CDR2L: variants seen among roughly 807,000 people sequenced by gnomAD.
CDR2L encodes the protein cerebellar degeneration-related protein 2-like.
A neutral mutation model predicts 36.1 loss-of-function variants in CDR2L; 19 were observed. The ratio of observed to expected loss-of-function variants is 0.53; its 90% confidence interval spans 0.37 to 0.77. The LOEUF (loss-of-function observed/expected upper bound fraction) is 0.77, where lower values mean the gene tolerates loss of function less well. Among genes scored for constraint, CDR2L ranks in the 30% least tolerant of loss-of-function variants. The probability of loss-of-function intolerance (pLI) is 0.00; values close to 1 mark genes in which losing one functional copy is unlikely to be tolerated. For missense variants in CDR2L, 575 were observed against 627.2 expected (o/e 0.92, Z 0.89); for synonymous variants, 285 against 280.4 (o/e 1.02, Z -0.16).
At chr17:74,988,719 C>G (rs2039778601) in intron 1 of CDR2L, among the ~76,000 whole-genome samples, 1 of 152,192 alleles carries the variant, frequency 6.6e-6, no homozygotes, top group South Asian at 2.1e-4. Flanking sequence ...TTAGCCCTCC[C>G]CTGCCCGGTC....
rs1243007193 is a variant in CDR2L at position 75,005,545 on chromosome 17, G to A, written c.*1471G>A. ...GGCGGCACTGTGATGGGAGCTGGTGGCGACTGAGTCCTTCTGTACGTGCAA... is the reference window on the plus strand; with the variant it reads ...GGCGGCACTGTGATGGGAGCTGGTGACGACTGAGTCCTTCTGTACGTGCAA... On this transcript the variant is annotated 3_prime_UTR_variant, in exon 5 of 5. Transcript: ENST00000337231. The surrounding 1 kb of genome is among the most constrained non-coding windows in gnomAD (Gnocchi z 4.2). The A allele has an allele frequency of 6.5e-6, 1 of 152,840 alleles. No homozygotes were observed. Among genetic ancestry groups the A allele is most frequent in the Non-Finnish European group, 1.5e-5 (1 of 68,208 alleles). The allele number at this position is 152,840 out of a possible 1,614,324, so 9.5% of individuals were successfully genotyped here.
chr17:74,991,094 C>T (rs1029969976), intron 1 of CDR2L, among the ~76,000 whole-genome samples: 3 of 152,184 alleles, frequency 2.0e-5, no homozygotes, highest in Non-Finnish European at 2.9e-5. Flanking sequence ...CCCACTGCCA[C>T]GAGCATTTAT....
intron 2 of CDR2L, among the ~76,000 whole-genome samples, chr17:75,000,094 G>C (rs370966076): frequency 6.6e-6 from 1 of 151,988 alleles, no homozygotes; most frequent in Non-Finnish European, 1.5e-5. Context: ...CAGGCAACAT[G>C]GCGAAACCTT....
At chr17:74,991,665 C>A (rs1272291302) in intron 1 of CDR2L, among the ~76,000 whole-genome samples, 3 of 150,070 alleles carry the variant, frequency 2.0e-5, no homozygotes, top group African/African-American at 4.9e-5. Context: ...TGCAGTGAGC[C>A]AAGATCGCGC....
intron 1 of CDR2L, 121 bp from the exon 2 acceptor site, chr17:74,999,383 T>C: frequency 1.5e-6 from 1 of 662,208 alleles, no homozygotes; most frequent in Non-Finnish European, 2.7e-6. Flanking sequence ...GGCTTACCTC[T>C]CCTCCCAGGC....
At chr17:74,991,707 ACT>A (rs2039798323) in intron 1 of CDR2L, among the ~76,000 whole-genome samples, 2 of 142,336 alleles carry the variant, frequency 1.4e-5, no homozygotes, top group South Asian at 2.4e-4. Context: ...ACAGAGTGAG[ACT>A]CTGTCTCAAA....
In CDR2L at chr17:75,004,422, G is replaced by T; in HGVS notation, c.*348G>T. 15 of 177,972 alleles carry T rather than the reference G, an allele frequency of 8.4e-5. No homozygotes were observed. The highest frequency in any genetic ancestry group is 2.0e-4 in the South Asian group (1 of 5,026). The allele number at this position is 177,972 out of a possible 1,614,324, so 11.0% of individuals were successfully genotyped here. On this transcript the variant is annotated 3_prime_UTR_variant, in exon 5 of 5. Transcript: ENST00000337231. The stretch of plus-strand genomic sequence containing the variant: ...GGCTTCTGAAAGCCATTCTGGATCA[G>T]TTGGCTTTTTTTTTTTTTTTGGTTA...
Position 75,003,289 on chromosome 17 carries a change from C to T in CDR2L, c.613C>T (p.Gln205Ter). The change falls in exon 5 of 5, where the codon CAG becomes TAG. Residue 205 changes from glutamine to a stop codon, truncating the protein, a stop_gained. Transcript: ENST00000337231. LOFTEE classifies it high-confidence loss of function. ...LQTLVGALRS[Q>*]VSQERQRKER... Reference sequence around the variant, plus strand: ...GACCCTGGTGGGGGCGCTGCGCTCCCAGGTGAGCCAGGAGCGGCAGCGCAA... The same window carrying T: ...GACCCTGGTGGGGGCGCTGCGCTCCTAGGTGAGCCAGGAGCGGCAGCGCAA... The T allele has an allele frequency of 6.4e-7, 1 of 1,556,286 alleles. No individual in the cohort carries two copies. Among genetic ancestry groups the T allele is most frequent in the Non-Finnish European group, 8.7e-7 (1 of 1,150,914 alleles).
chr17:74,992,800 T>C (rs1222097291), intron 1 of CDR2L, among the ~76,000 whole-genome samples: 1 of 152,240 alleles, frequency 6.6e-6, no homozygotes, highest in African/African-American at 2.4e-5. Flanking sequence ...GGGCAACCTT[T>C]GATGTCTCTG....
At chr17:74,997,473 C>A (rs1017364386) in intron 1 of CDR2L, among the ~76,000 whole-genome samples, 4 of 152,294 alleles carry the variant, frequency 2.6e-5, no homozygotes, top group Non-Finnish European at 5.9e-5. Context: ...CCCCACGGCA[C>A]CTTGCCCCTA....
rs1173099120 is a variant in CDR2L at position 75,003,732 on chromosome 17, C to T, written c.1056C>T (p.Ile352=). ...ANSVRKRGMS[I]LREVDEQYHA... ...GCGTGCGCAAGCGGGGCATGTCCATCCTGCGGGAGGTGGACGAGCAGTACC... is the reference window on the plus strand; with the variant it reads ...GCGTGCGCAAGCGGGGCATGTCCATTCTGCGGGAGGTGGACGAGCAGTACC... The change falls in exon 5 of 5, where the codon ATC becomes ATT. Residue 352 remains isoleucine (I), a synonymous_variant. Transcript: ENST00000337231. The T allele has an allele frequency of 2.7e-6, 4 of 1,472,544 alleles. No homozygotes were observed. Among genetic ancestry groups the T allele is most frequent in the East Asian group, 2.5e-5 (1 of 40,354 alleles). 91.2% of individuals were successfully genotyped at this position (1,472,544 alleles called of 1,614,324 possible).
chr17:74,998,955 C>T (rs979041555), intron 1 of CDR2L, among the ~76,000 whole-genome samples: 17 of 152,160 alleles, frequency 1.1e-4, no homozygotes, highest in African/African-American at 3.9e-4. Context: ...GGCCCAGCAG[C>T]CTGTTGATAA....
chr17:75,004,216 G>A lies in CDR2L; in HGVS notation c.*142G>A. 1.4e-6 allele frequency: 1 copy of A among 719,856 alleles called. No homozygotes were observed. 44.6% of individuals were successfully genotyped at this position (719,856 alleles called of 1,614,324 possible). ...CTCCTGATCCGGAAGCACGCAGCAT[G>A]TTCCCTGCTGAGCGGAGGCAGCCCA... On this transcript the variant is annotated 3_prime_UTR_variant, in exon 5 of 5. Transcript: ENST00000337231.
chr17:75,003,852 C>T lies in CDR2L; in HGVS notation c.1176C>T (p.Ile392=), dbSNP rs751726450. The change falls in exon 5 of 5, where the codon ATC becomes ATT. Residue 392 remains isoleucine (I), a synonymous_variant. Coordinates refer to ENST00000337231, the MANE Select transcript of CDR2L (RefSeq NM_014603.3). The part of the protein sequence containing the change: ...RHAGVQTSRP[I]SRDSSWRDLR... Reference sequence around the variant, plus strand: ...CCGGCGTGCAGACCTCGCGCCCCATCTCCCGGGACAGCTCGTGGAGGGACC... The same window carrying T: ...CCGGCGTGCAGACCTCGCGCCCCATTTCCCGGGACAGCTCGTGGAGGGACC... The T allele has an allele frequency of 1.3e-6, 2 of 1,584,696 alleles. No individual in the cohort carries two copies.
intron 1 of CDR2L, among the ~76,000 whole-genome samples, chr17:74,999,288 GCACACACACACACA>G (rs113287746): frequency 6.9e-6 from 1 of 144,984 alleles, no homozygotes; most frequent in Non-Finnish European, 1.5e-5. Context: ...ATTACATCTT[GCACACACACACACA>G]CACACACACA....
At chr17:74,999,476 T>G in intron 1 of CDR2L, 28 bp from the exon 2 acceptor site, 1 of 1,465,638 alleles carries the variant, frequency 6.8e-7, no homozygotes, top group Non-Finnish European at 9.3e-7. Context: ...CTGCCTTTGT[T>G]CTCATGCTCG....
chr17:74,991,196 A>G (rs2039794530), intron 1 of CDR2L, among the ~76,000 whole-genome samples: 3 of 151,886 alleles, frequency 2.0e-5, no homozygotes, highest in Admixed American at 6.6e-5. Flanking sequence ...TGAGGTCGGG[A>G]GTTCGAGACT....
chr17:75,000,627 A>C (rs1206973529), intron 2 of CDR2L, among the ~76,000 whole-genome samples: 1 of 149,312 alleles, frequency 6.7e-6, no homozygotes, highest in African/African-American at 2.5e-5. Context: ...TAAAAAAAAA[A>C]AAAAAGGCCG....
Position 75,004,247 on chromosome 17 carries a change from C to G in CDR2L, c.*173C>G. ...TGCTGAGCGGAGGCAGCCCACCTGT[C>G]CTGCCTCCCAGGAGCCCTTGGCCAC... On this transcript the variant is annotated 3_prime_UTR_variant, in exon 5 of 5. Coordinates refer to ENST00000337231, the MANE Select transcript of CDR2L (RefSeq NM_014603.3). 3.3e-6 allele frequency: 2 copies of G among 611,240 alleles called. No homozygotes were observed. Among genetic ancestry groups the G allele is most frequent in the Non-Finnish European group, 5.6e-6 (2 of 355,792 alleles). The allele number at this position is 611,240 out of a possible 1,614,324, so 37.9% of individuals were successfully genotyped here. A position where few individuals can be genotyped will look rare whatever the true frequency, so the allele number is the denominator to read the frequency against.
Sources: gnomAD v4.1 joint callset for allele counts (sites outside exome capture counted in the v4.1 genomes callset) on GRCh38, gnomAD v4.1.1 for gene constraint, Gnocchi (gnomAD v3.1) non-coding constraint, MANE v1.5 for transcripts, NCBI Gene and HGNC (gene_info 2026-07-23, HGNC 2026-07-21) for gene names.